GLDN: variants seen among roughly 807,000 people sequenced by gnomAD.
GLDN encodes collomin.
In GLDN, 47 loss-of-function variants were observed where a neutral mutation model predicts 56.5. The ratio of observed to expected loss-of-function variants is 0.83; its 90% CI spans 0.66 to 1.06. The LOEUF is 1.06. Ranked by LOEUF, GLDN falls within the 50% of genes least tolerant of loss-of-function variation. The pLI, the probability that GLDN is intolerant of heterozygous loss-of-function variation, is 0.00. For synonymous variants in GLDN, 332 were observed against 278.8 expected (o/e 1.19, Z -1.90); for missense variants, 782 against 714.3 (o/e 1.09, Z -1.08).
chr15:51,358,272 G>C (rs968571264), intron 1 of GLDN, among the ~76,000 whole-genome samples: 2 of 152,166 alleles, frequency 1.3e-5, no homozygotes, highest in African/African-American at 4.8e-5. Flanking sequence ...TTCCAACCTT[G>C]GTCCTCCAAT....
intron 1 of GLDN, among the ~76,000 whole-genome samples, chr15:51,368,519 A>T (rs1339183027): frequency 6.6e-6 from 1 of 151,836 alleles, no homozygotes. Flanking sequence ...CTGCGGCCCA[A>T]CACGAGCTGG....
rs142246410 is a variant in GLDN at position 51,358,268 on chromosome 15, C to T, written c.363+16221C>T. Among the ~76,000 whole-genome samples, 769 of 152,282 alleles carry T rather than the reference C, an allele frequency of 5.0e-3. 5 individuals are homozygous for T. The highest frequency in any genetic ancestry group is 0.018 in the African/African-American group (748 of 41,538). On this transcript the variant is annotated intron_variant, in intron 1 of 9. Coordinates refer to ENST00000335449, the MANE Select transcript of GLDN (RefSeq NM_181789.4). ...TCAGGTACGAAAAGCACTGTTCCAA[C>T]CTTGGTCCTCCAATTTGCCAGTGCC...
At chr15:51,392,342 A>C (rs1011789901) in intron 4 of GLDN, among the ~76,000 whole-genome samples, 3 of 152,120 alleles carry the variant, frequency 2.0e-5, no homozygotes, top group Non-Finnish European at 1.5e-5. Flanking sequence ...CTCCCTTCAG[A>C]TCAGCAGCAG....
At chr15:51,357,278 G>A (rs2037203148) in intron 1 of GLDN, among the ~76,000 whole-genome samples, 1 of 152,262 alleles carries the variant, frequency 6.6e-6, no homozygotes, top group African/African-American at 2.4e-5. Context: ...TTGCCACTGT[G>A]GTCCACGGCT....
rs763065749 is a variant in GLDN at position 51,347,051 on chromosome 15, G to C, written c.363+5004G>C. Among the ~76,000 whole-genome samples the C allele has an allele frequency of 2.2e-4, 33 of 152,094 alleles. 1 individual carries two copies. The highest frequency in any genetic ancestry group is 4.1e-4 in the Non-Finnish European group (28 of 68,030). On this transcript the variant is annotated intron_variant, in intron 1 of 9. Coordinates refer to ENST00000335449, the MANE Select transcript of GLDN (RefSeq NM_181789.4). The stretch of plus-strand genomic sequence containing the variant: ...ACTGTACTCCAGCTGGGCGACAGAG[G>C]AGGACTCCATCTCAAAAAAAACAAA...
In GLDN at chr15:51,404,984, T is replaced by C. The variant is rs2038345126; in HGVS notation, c.*230T>C. 5 of 436,818 alleles carry C rather than the reference T, an allele frequency of 1.1e-5. No homozygotes were observed. The highest frequency in any genetic ancestry group is 2.0e-5 in the Non-Finnish European group (5 of 245,442). The allele number at this position is 436,818 out of a possible 1,614,324, so 27.1% of individuals were successfully genotyped here. A position where few individuals can be genotyped will look rare whatever the true frequency, so the allele number is the denominator to read the frequency against. On this transcript the variant is annotated 3_prime_UTR_variant, in exon 10 of 10. Coordinates refer to ENST00000335449, the MANE Select transcript of GLDN (RefSeq NM_181789.4). ...GCTCTGCAAGTTACCTCTTTCTCCTTGGGCCTTAGTTTCCCCATTGGTAAT... is the reference window on the plus strand; with the variant it reads ...GCTCTGCAAGTTACCTCTTTCTCCTCGGGCCTTAGTTTCCCCATTGGTAAT...
At chr15:51,370,082 C>A (rs115832417) in intron 1 of GLDN, among the ~76,000 whole-genome samples, 1 of 152,126 alleles carries the variant, frequency 6.6e-6, no homozygotes. Context: ...TGTCACTGCA[C>A]TCCAGCCTCA....
chr15:51,368,512 C>A (rs917921333), intron 1 of GLDN, among the ~76,000 whole-genome samples: 1 of 151,696 alleles, frequency 6.6e-6, no homozygotes, highest in Non-Finnish European at 1.5e-5. Context: ...TAAATGCCTG[C>A]GGCCCAACAC....
At chr15:51,349,428 G>A (rs2037035749) in intron 1 of GLDN, among the ~76,000 whole-genome samples, 1 of 152,214 alleles carries the variant, frequency 6.6e-6, no homozygotes, top group Admixed American at 6.5e-5. Context: ...TTTTTGTACA[G>A]GCTATGAAGA....
intron 2 of GLDN, among the ~76,000 whole-genome samples, chr15:51,380,240 G>A (rs148122243): frequency 6.6e-6 from 1 of 152,286 alleles, no homozygotes; most frequent in East Asian, 1.9e-4. Context: ...GGAATTTCTA[G>A]ACGGCGACTG....
At position 51,390,104 on chromosome 15, in the gene GLDN, C is replaced by T. The variant is rs187120005; in HGVS notation, c.542-4731C>T. Among the ~76,000 whole-genome samples, 104 of 152,306 alleles carry T rather than the reference C, an allele frequency of 6.8e-4. 2 individuals are homozygous for T. In the South Asian group the frequency reaches 7.5e-3, roughly 11 times the overall value. ...GGCTCTTCCGCTTACTAGCTGTATG[C>T]CCCTGGGCAAGTTATCACTTTGTGC... is the stretch of plus-strand genomic sequence containing the variant. On this transcript the variant is annotated intron_variant, in intron 4 of 9. Transcript: ENST00000335449.
At chr15:51,379,579 G>A (rs2037711127) in intron 2 of GLDN, among the ~76,000 whole-genome samples, 1 of 152,190 alleles carries the variant, frequency 6.6e-6, no homozygotes, top group African/African-American at 2.4e-5. Flanking sequence ...CTAATTGACT[G>A]GAACTGGCAC....
At chr15:51,390,797 C>T (rs12593308) in intron 4 of GLDN, among the ~76,000 whole-genome samples, 44,561 of 151,996 alleles carry the variant, frequency 0.29, 8,030 homozygotes, top group Non-Finnish European at 0.4. Context: ...AGTAGAGAGC[C>T]ACTCCTAGCA....
intron 8 of GLDN, among the ~76,000 whole-genome samples, chr15:51,400,965 C>T (rs1456557363): frequency 1.8e-4 from 28 of 152,194 alleles, no homozygotes; most frequent in Admixed American, 1.8e-3. Flanking sequence ...CAGTCACACT[C>T]TATCTGAGCA....
intron 6 of GLDN, among the ~76,000 whole-genome samples, chr15:51,398,413 CT>C (rs2038180190): frequency 1.3e-5 from 2 of 152,192 alleles, no homozygotes; most frequent in Non-Finnish European, 2.9e-5. Flanking sequence ...GATGCTAGGA[CT>C]TCTCTCCCAA....
chr15:51,344,191 C>T (rs1451211021), intron 1 of GLDN, among the ~76,000 whole-genome samples: 6 of 152,132 alleles, frequency 3.9e-5, no homozygotes, highest in Non-Finnish European at 7.3e-5. Flanking sequence ...CTTACTGATG[C>T]CTGAATCCCA....
intron 5 of GLDN, among the ~76,000 whole-genome samples, chr15:51,397,233 G>T (rs868560957): frequency 6.6e-6 from 1 of 152,114 alleles, no homozygotes; most frequent in South Asian, 2.1e-4. Context: ...GAATGAAAAG[G>T]TCTGGCTGTG....
chr15:51,398,952 C>G (rs1259286190), intron 6 of GLDN, among the ~76,000 whole-genome samples: 1 of 152,184 alleles, frequency 6.6e-6, no homozygotes, highest in Non-Finnish European at 1.5e-5. Context: ...GGGGCTGGAT[C>G]GGCAGGGGCT....
chr15:51,348,429 T>C (rs935354785), intron 1 of GLDN, among the ~76,000 whole-genome samples: 1 of 152,050 alleles, frequency 6.6e-6, no homozygotes, highest in Non-Finnish European at 1.5e-5. Flanking sequence ...ACTAATTGGG[T>C]TCAAATGATC....
Sources: gnomAD v4.1 joint callset for allele counts (sites outside exome capture counted in the v4.1 genomes callset) on GRCh38, gnomAD v4.1.1 for gene constraint, MANE v1.5 for transcripts, NCBI Gene and HGNC (gene_info 2026-07-23, HGNC 2026-07-21) for gene names.